Variants in DGKB observed in about 807,000 individuals in gnomAD.
DGKB encodes the protein 90 kDa diacylglycerol kinase.
A neutral mutation model predicts 114.3 loss-of-function variants in DGKB; 67 were observed. The ratio of observed to expected loss-of-function variants is 0.59; its 90% CI spans 0.48 to 0.72. The LOEUF is 0.72. Among genes scored for constraint, DGKB ranks in the 30% least tolerant of loss-of-function variants. The probability of loss-of-function intolerance (pLI) is 0.00; values close to 1 mark genes in which losing one functional copy is unlikely to be tolerated. For missense variants in DGKB, 907 were observed against 975.2 expected (o/e 0.93, Z 0.93); for synonymous variants, 398 against 323.1 (o/e 1.23, Z -2.49).
chr7:14,252,963 AG>A (rs1421590667), intron 23 of DGKB, among the ~76,000 whole-genome samples: 1 of 152,062 alleles, frequency 6.6e-6, no homozygotes, highest in Non-Finnish European at 1.5e-5. Flanking sequence ...TGTTCCACTC[AG>A]GTGCTATAAT....
At chr7:14,282,840 T>G (rs1174049518) in intron 23 of DGKB, among the ~76,000 whole-genome samples, 1 of 152,048 alleles carries the variant, frequency 6.6e-6, no homozygotes, top group Non-Finnish European at 1.5e-5. Context: ...GCTCAATAAA[T>G]TAGGTATTGA....
At chr7:14,591,299 G>A (rs1320961195) in intron 17 of DGKB, among the ~76,000 whole-genome samples, 2 of 152,142 alleles carry the variant, frequency 1.3e-5, no homozygotes, top group Non-Finnish European at 2.9e-5. Flanking sequence ...TCCATGTGAA[G>A]AATGAATAAG....
chr7:14,495,396 C>T (rs1785157091), intron 20 of DGKB, among the ~76,000 whole-genome samples: 1 of 151,760 alleles, frequency 6.6e-6, no homozygotes, highest in African/African-American at 2.4e-5. Context: ...AACAATTTCA[C>T]TGTTATTACA....
At chr7:14,936,086 T>G (rs190111886) in intron 1 of DGKB, among the ~76,000 whole-genome samples, 1 of 152,278 alleles carries the variant, frequency 6.6e-6, no homozygotes, top group Non-Finnish European at 1.5e-5. Context: ...TTCAGAGCCT[T>G]GAGTTTGAGC....
chr7:14,940,961 T>C (rs1785539685), intron 1 of DGKB, among the ~76,000 whole-genome samples: 1 of 152,082 alleles, frequency 6.6e-6, no homozygotes, highest in Admixed American at 6.6e-5. Flanking sequence ...TCAAATAGCT[T>C]AGGTCTGAAA....
intron 21 of DGKB, among the ~76,000 whole-genome samples, chr7:14,440,904 T>G (rs1244140205): frequency 1.4e-5 from 2 of 146,236 alleles, no homozygotes; most frequent in Admixed American, 6.8e-5. Flanking sequence ...GATACCATTT[T>G]TAGTATTCTG....
chr7:14,936,617 G>A (rs908111936), intron 1 of DGKB, among the ~76,000 whole-genome samples: 1 of 152,150 alleles, frequency 6.6e-6, no homozygotes, highest in African/African-American at 2.4e-5. Context: ...AGGAATGGAG[G>A]TGGTCATAGC....
intron 1 of DGKB, among the ~76,000 whole-genome samples, chr7:14,893,186 A>G (rs928922993): frequency 1.5e-4 from 23 of 151,132 alleles, no homozygotes; most frequent in Admixed American, 3.3e-4. Context: ...TCACTCAACA[A>G]GTTTTTGTCT....
intron 21 of DGKB, among the ~76,000 whole-genome samples, chr7:14,390,330 ATTTTAC>A (rs1314384260): frequency 6.6e-6 from 1 of 152,148 alleles, no homozygotes; most frequent in Non-Finnish European, 1.5e-5. Context: ...ACTTCTACTA[ATTTTAC>A]TTTAATAATT....
At chr7:14,323,661 A>C (rs1217266719) in intron 23 of DGKB, among the ~76,000 whole-genome samples, 1 of 152,216 alleles carries the variant, frequency 6.6e-6, no homozygotes, top group East Asian at 1.9e-4. Context: ...ATCAATGCAA[A>C]GGCTTTGAGA....
intron 4 of DGKB, among the ~76,000 whole-genome samples, chr7:14,736,426 A>C (rs556276072): frequency 6.6e-6 from 1 of 152,268 alleles, no homozygotes; most frequent in African/African-American, 2.4e-5. Context: ...AGAAGTTTCT[A>C]GTTAGATATT....
At chr7:14,606,906 A>C in intron 17 of DGKB, among the ~76,000 whole-genome samples, 1 of 152,048 alleles carries the variant, frequency 6.6e-6, no homozygotes, top group Non-Finnish European at 1.5e-5. Flanking sequence ...TAACCCATTT[A>C]TGCTGGAGGT....
At chr7:14,613,111 A>C (rs890118694) in intron 16 of DGKB, among the ~76,000 whole-genome samples, 1 of 152,170 alleles carries the variant, frequency 6.6e-6, no homozygotes, top group African/African-American at 2.4e-5. Context: ...TGGGGTAGAG[A>C]GAATTCAAAC....
At chr7:14,743,513 ACCC>A (rs1367694725) in intron 4 of DGKB, among the ~76,000 whole-genome samples, 2 of 152,150 alleles carry the variant, frequency 1.3e-5, no homozygotes, top group African/African-American at 4.8e-5. Flanking sequence ...GTCTTTCCTG[ACCC>A]CTAGCTTTTG....
At position 14,373,444 on chromosome 7, in the gene DGKB, T is replaced by G. The variant is rs74944297; in HGVS notation, c.1836-28053A>C. On this transcript the variant is annotated intron_variant, in intron 21 of 25. Transcript: ENST00000402815. ...GATGCCATCATAAAGTAAATAAAAT[T>G]TTAAAATTTGTCTTACATTTATTCC... is the stretch of plus-strand genomic sequence containing the variant. Among the ~76,000 whole-genome samples, 26 of 152,268 alleles carry G rather than the reference T, an allele frequency of 1.7e-4. No homozygotes were observed. In the East Asian group the frequency reaches 4.8e-3, roughly 28 times the overall value.
Position 14,860,939 on chromosome 7 carries a change from C to T in DGKB, c.-187-19489G>A, listed in dbSNP as rs774513850. On this transcript the variant is annotated intron_variant, in intron 1 of 25. Transcript: ENST00000402815. ...ATTTTTCTGAGAATTAAAGAAGACA[C>T]AATGTATGTCCTTCATAAACACTGC... 1.8e-4 allele frequency among the ~76,000 whole-genome samples: 27 copies of T among 152,022 alleles called. No individual in the cohort carries two copies. The Middle Eastern group carries it at 0.02, about 115-fold the overall frequency.
rs149491131 is a variant in DGKB, at chr7:14,277,428, C to T, written c.2122+61087G>A. ...CCACAAGCCATCCACCCACCTTGGC[C>T]TCCCAAAGTGCTGGGATTACAGGCG... On this transcript the variant is annotated intron_variant, in intron 23 of 25. Transcript: ENST00000402815. Among the ~76,000 whole-genome samples, 927 of 152,316 alleles carry T rather than the reference C, an allele frequency of 6.1e-3. 13 individuals carry two copies. The highest frequency in any genetic ancestry group is 0.021 in the African/African-American group (884 of 41,574).
chr7:14,974,843 GTAGCT>G (rs539709993), upstream of DGKB: 217 of 152,186 alleles, frequency 1.4e-3, no homozygotes, highest in African/African-American at 5.0e-3. Context: ...CTTTTACTAG[GTAGCT>G]TAGAGTGACT....
At chr7:14,251,282 A>T (rs575569299) in intron 23 of DGKB, among the ~76,000 whole-genome samples, 2 of 151,970 alleles carry the variant, frequency 1.3e-5, no homozygotes, top group African/African-American at 4.8e-5. Context: ...TCTTTTGTGT[A>T]TCTACTACAG....
Sources: gnomAD v4.1 joint callset for allele counts (sites outside exome capture counted in the v4.1 genomes callset) on GRCh38, gnomAD v4.1.1 for gene constraint, MANE v1.5 for transcripts, NCBI Gene and HGNC (gene_info 2026-07-23, HGNC 2026-07-21) for gene names.